The following RARB variants were observed in gnomAD, a reference collection of about 807,000 sequenced individuals.
The protein encoded by RARB is retinoic acid receptor beta.
In RARB, 17 loss-of-function variants were observed where a neutral mutation model predicts 51.9. The ratio of observed to expected loss-of-function variants is 0.33; its 90% CI spans 0.22 to 0.49. The LOEUF is 0.49. Ranked by LOEUF, RARB falls within the 20% of genes least tolerant of loss-of-function variation. The pLI is 0.99. For missense variants in RARB, 369 were observed against 550.8 expected (o/e 0.67, Z 3.30); for synonymous variants, 215 against 195.4 (o/e 1.10, Z -0.84).
chr3:25,585,748 C>G (rs1405574195), intron 5 of RARB, among the ~76,000 whole-genome samples: 1 of 152,168 alleles, frequency 6.6e-6, no homozygotes, highest in African/African-American at 2.4e-5. Flanking sequence ...GAGCCACTGC[C>G]TATGTTTCTC....
chr3:25,211,514 A>T (rs1156310375), intron 5 of RARB, among the ~76,000 whole-genome samples: 1 of 152,240 alleles, frequency 6.6e-6, no homozygotes, highest in Non-Finnish European at 1.5e-5. Context: ...GATCAATAAC[A>T]CCAAAAAATA....
chr3:25,481,440 C>T (rs1696220406), intron 2 of RARB, among the ~76,000 whole-genome samples: 1 of 152,130 alleles, frequency 6.6e-6, no homozygotes, highest in African/African-American at 2.4e-5. Context: ...AAAACACTGG[C>T]CAAATATTTT....
chr3:25,137,983 T>C (rs1303875688), intron 4 of RARB, among the ~76,000 whole-genome samples: 1 of 152,148 alleles, frequency 6.6e-6, no homozygotes, highest in African/African-American at 2.4e-5. Flanking sequence ...ACATCCTTTT[T>C]ACCTAAGATC....
At chr3:24,896,407 G>A (rs1317373192) in intron 2 of RARB, among the ~76,000 whole-genome samples, 1 of 151,988 alleles carries the variant, frequency 6.6e-6, no homozygotes, top group African/African-American at 2.4e-5. Flanking sequence ...TTACAGGGGC[G>A]CACCACCACG....
intron 3 of RARB, among the ~76,000 whole-genome samples, chr3:25,095,690 G>A (rs1023385669): frequency 6.6e-6 from 1 of 152,066 alleles, no homozygotes; most frequent in Non-Finnish European, 1.5e-5. Context: ...AGCTGAGGGA[G>A]GATTTTGGAA....
Position 25,428,283 on chromosome 3 carries a change from T to G in RARB, c.-449T>G, listed in dbSNP as rs1708056059. ...TCTGTGTGACAGAAGTAGTAGGAAG[T>G]GAGCTGTTCAGAGGCAGGAGGGTCT... On this transcript the variant is annotated 5_prime_UTR_variant, in exon 1 of 8. Transcript: ENST00000330688. The G allele has an allele frequency of 8.1e-7, 1 of 1,234,908 alleles. No homozygotes were observed. Among genetic ancestry groups the G allele is most frequent in the African/African-American group, 1.6e-5 (1 of 64,422 alleles). The allele number at this position is 1,234,908 out of a possible 1,614,324, so 76.5% of individuals were successfully genotyped here. A position where few individuals can be genotyped will look rare whatever the true frequency, so the allele number is the denominator to read the frequency against.
At chr3:25,193,035 A>G (rs1310004872) in intron 5 of RARB, among the ~76,000 whole-genome samples, 1 of 152,088 alleles carries the variant, frequency 6.6e-6, no homozygotes, top group Non-Finnish European at 1.5e-5. Context: ...GCAAACTTTC[A>G]TTCACTGTTT....
chr3:25,401,477 A>T (rs889251310), intron 5 of RARB, among the ~76,000 whole-genome samples: 1 of 152,244 alleles, frequency 6.6e-6, no homozygotes, highest in Non-Finnish European at 1.5e-5. Flanking sequence ...AACAGACCAT[A>T]GGTGATCCAG....
intron 3 of RARB, among the ~76,000 whole-genome samples, chr3:25,532,322 G>T (rs113313452): frequency 0.036 from 5,476 of 152,220 alleles, 132 homozygotes; most frequent in Non-Finnish European, 0.054. Flanking sequence ...AACATGGCAA[G>T]TCATAAACAC....
intron 2 of RARB, among the ~76,000 whole-genome samples, chr3:25,026,646 G>C (rs1331990305): frequency 2.6e-5 from 4 of 152,182 alleles, no homozygotes; most frequent in Non-Finnish European, 1.5e-5. Context: ...TTAGGGGTTA[G>C]GGCTTTAACA....
chr3:25,047,805 G>A (rs1698247641), intron 2 of RARB, among the ~76,000 whole-genome samples: 1 of 152,172 alleles, frequency 6.6e-6, no homozygotes, highest in Admixed American at 6.5e-5. Context: ...TATGCAGGTG[G>A]TTTTGCTTGT....
At chr3:25,199,444 G>A (rs1701335230) in intron 5 of RARB, among the ~76,000 whole-genome samples, 1 of 151,964 alleles carries the variant, frequency 6.6e-6, no homozygotes. Context: ...ATGACTAAGA[G>A]TATAATTGGA....
chr3:25,254,225 C>T (rs527261932), intron 5 of RARB, among the ~76,000 whole-genome samples: 34 of 152,130 alleles, frequency 2.2e-4, no homozygotes, highest in East Asian at 9.7e-4. Flanking sequence ...TCCTATTATC[C>T]GAAAGAGAGC....
chr3:25,144,062 C>T (rs1348370675), intron 4 of RARB, among the ~76,000 whole-genome samples: 1 of 152,178 alleles, frequency 6.6e-6, no homozygotes, highest in Non-Finnish European at 1.5e-5. Context: ...ATTTGCATTC[C>T]TCTTTAACCA....
At position 24,998,638 on chromosome 3, in the gene RARB, T is replaced by C. The variant is rs186962549; in HGVS notation, c.-379-61487T>C. ...GTTATGTCTAGTTCAATATCCCTTATGTTTCTACAGGCTTCTGGAGATTAC... is the reference window on the plus strand; with the variant it reads ...GTTATGTCTAGTTCAATATCCCTTACGTTTCTACAGGCTTCTGGAGATTAC... On this transcript the variant is annotated intron_variant, in intron 2 of 11. Transcript: ENST00000383772. Among the ~76,000 whole-genome samples, 12 of 152,320 alleles carry C rather than the reference T, an allele frequency of 7.9e-5. No individual in the cohort carries two copies. The South Asian group carries it at 8.3e-4, about 11-fold the overall frequency.
At chr3:25,138,339 T>G (rs1349501771) in intron 4 of RARB, among the ~76,000 whole-genome samples, 1 of 152,018 alleles carries the variant, frequency 6.6e-6, no homozygotes, top group African/African-American at 2.4e-5. Context: ...AATTGAGTTT[T>G]TTTTTTTTTT....
At chr3:25,457,844 C>G (rs1049715523) in intron 1 of RARB, among the ~76,000 whole-genome samples, 2 of 152,184 alleles carry the variant, frequency 1.3e-5, no homozygotes, top group African/African-American at 2.4e-5. Context: ...ATTAGCTGTT[C>G]TACACGAACG....
Position 25,392,957 on chromosome 3 carries a change from G to A in RARB, c.179-68236G>A, listed in dbSNP as rs140720817. 2.9e-3 allele frequency among the ~76,000 whole-genome samples: 436 copies of A among 152,158 alleles called. 4 individuals carry two copies. The highest frequency in any genetic ancestry group is 9.8e-3 in the African/African-American group (407 of 41,512). Reference sequence around the variant, plus strand: ...ACAAGTGGTGAATGTGTGCATCCTTGTCTTCTTCCAGTTCTCAAGTGGAAT... The same window carrying A: ...ACAAGTGGTGAATGTGTGCATCCTTATCTTCTTCCAGTTCTCAAGTGGAAT... On this transcript the variant is annotated intron_variant, in intron 5 of 11. Coordinates refer to the RARB transcript ENST00000383772.
intron 5 of RARB, among the ~76,000 whole-genome samples, chr3:25,267,297 G>A (rs747974110): frequency 3.9e-5 from 6 of 152,168 alleles, no homozygotes; most frequent in Non-Finnish European, 7.4e-5. Flanking sequence ...GTAAGGAAAT[G>A]GTGGGAACAC....
Sources: allele counts gnomAD v4.1 joint callset (sites outside exome capture counted in the v4.1 genomes callset), GRCh38; gene constraint gnomAD v4.1.1; transcripts MANE v1.5; gene names NCBI Gene and HGNC (gene_info 2026-07-23, HGNC 2026-07-21).